Variants in GPR63 observed in about 807,000 individuals in gnomAD.
GPR63 encodes G protein-coupled receptor 63, also known as probable G protein-coupled receptor 63.
GPR63 carries 12 observed loss-of-function variants against 23.1 expected under a neutral mutation model. The observed-to-expected ratio is 0.52, with a 90% CI of 0.33 to 0.84. GPR63 has a LOEUF of 0.84. GPR63 is among the 40% of genes least tolerant of loss of function. The pLI is 0.02. For synonymous variants in GPR63, 172 were observed against 191.1 expected (o/e 0.90, Z 0.82); for missense variants, 472 against 515.6 (o/e 0.92, Z 0.82).
chr6:96,802,290 C>G (rs1320107316), intron 1 of GPR63, among the ~76,000 whole-genome samples: 3 of 152,126 alleles, frequency 2.0e-5, no homozygotes, highest in Non-Finnish European at 4.4e-5. Context: ...ACTATAAAAA[C>G]TTCTAACAAT....
chr6:96,794,602 A>T lies in GPR63; in HGVS notation c.*3870T>A, dbSNP rs1013197921. 3.9e-5 allele frequency: 6 copies of T among 152,228 alleles called. No homozygotes were observed. The highest frequency in any genetic ancestry group is 3.9e-4 in the Admixed American group (6 of 15,288). The allele number at this position is 152,228 out of a possible 1,614,324, so 9.4% of individuals were successfully genotyped here. A position where few individuals can be genotyped will look rare whatever the true frequency, so the allele number is the denominator to read the frequency against. ...AATTAAATATCTTTGTGGGCAACAG[A>T]AATACACATATTAAAAAGGTTATTT... On this transcript the variant is annotated 3_prime_UTR_variant, in exon 2 of 2. Coordinates refer to ENST00000229955, the MANE Select transcript of GPR63 (RefSeq NM_030784.4).
At position 96,798,996 on chromosome 6, in the gene GPR63, T is replaced by C; in HGVS notation, c.736A>G (p.Ile246Val). The change falls in exon 2 of 2, where the codon ATT (isoleucine) becomes GTT (valine). Residue 246 changes from isoleucine to valine, a missense_variant. Physicochemically the swap from Ile to Val is conservative, Grantham distance 29 (BLOSUM62 3). Transcript: ENST00000229955. ...GGTATGAAGAAAGAAATGAGAGAAA[T>C]CAAAATCACATAAGCCTGGTAGCCT... Reference protein sequence around the residue: ...NPGYQAYVILISLISFFIPFL... With the variant: ...NPGYQAYVILVSLISFFIPFL... 2 of 1,613,798 alleles carry C rather than the reference T, an allele frequency of 1.2e-6. No homozygotes were observed. The highest frequency in any genetic ancestry group is 1.7e-6 in the Non-Finnish European group (2 of 1,179,956).
At position 96,825,058 on chromosome 6, in the gene GPR63, A is replaced by C. The variant is rs186773683; in HGVS notation, c.-151+12210T>G. ...TTTATAAATATCACTGCTTAAACTT[A>C]TGTAAAGTTTTTCCATTTGTATTAT... On this transcript the variant is annotated intron_variant, in intron 1 of 1. Coordinates refer to ENST00000229955, the MANE Select transcript of GPR63 (RefSeq NM_030784.4). 3.1e-3 allele frequency among the ~76,000 whole-genome samples: 472 copies of C among 152,250 alleles called. 2 individuals are homozygous for C. Among genetic ancestry groups the C allele is most frequent in the South Asian group, 0.015 (73 of 4,830 alleles).
Position 96,797,286 on chromosome 6 carries a change from G to A in GPR63, c.*1186C>T, listed in dbSNP as rs1773614444. 6.6e-6 allele frequency: 1 copy of A among 152,120 alleles called. No homozygotes were observed. Among genetic ancestry groups the A allele is most frequent in the Non-Finnish European group, 1.5e-5 (1 of 68,018 alleles). 9.4% of individuals were successfully genotyped at this position (152,120 alleles called of 1,614,324 possible). A position where few individuals can be genotyped will look rare whatever the true frequency, so the allele number is the denominator to read the frequency against. Reference sequence around the variant, plus strand: ...TTCTTTTCTATTTTCCAGTGTTTCTGTAATGCTTTCATATTTCTTTTGGTA... The same window carrying A: ...TTCTTTTCTATTTTCCAGTGTTTCTATAATGCTTTCATATTTCTTTTGGTA... On this transcript the variant is annotated 3_prime_UTR_variant, in exon 2 of 2. Transcript: ENST00000229955.
chr6:96,795,721 C>T lies in GPR63; in HGVS notation c.*2751G>A, dbSNP rs1232517335. ...AAGAAAACAAAGCTCAGTTTCACCT[C>T]CAGCCAAAAAGGAGTCTTCATGACC... is the stretch of plus-strand genomic sequence containing the variant. On this transcript the variant is annotated 3_prime_UTR_variant, in exon 2 of 2. Transcript: ENST00000229955. The T allele has an allele frequency of 1.3e-5, 2 of 152,086 alleles. No homozygotes were observed. Among genetic ancestry groups the T allele is most frequent in the African/African-American group, 4.8e-5 (2 of 41,440 alleles). The allele number at this position is 152,086 out of a possible 1,614,324, so 9.4% of individuals were successfully genotyped here.
rs995156502 is a variant in GPR63, at chr6:96,796,695, C to T, written c.*1777G>A. 5 of 152,206 alleles carry T rather than the reference C, an allele frequency of 3.3e-5. No individual in the cohort carries two copies. The highest frequency in any genetic ancestry group is 7.3e-5 in the Non-Finnish European group (5 of 68,050). The allele number at this position is 152,206 out of a possible 1,614,324, so 9.4% of individuals were successfully genotyped here. A position where few individuals can be genotyped will look rare whatever the true frequency, so the allele number is the denominator to read the frequency against. On this transcript the variant is annotated 3_prime_UTR_variant, in exon 2 of 2. Transcript: ENST00000229955. ...TTCACAAACTCCAGCTCTGCTAGGG[C>T]AAGCATTGGGGCAACAATACTATTC...
chr6:96,805,059 CT>C (rs1358635599), intron 1 of GPR63, among the ~76,000 whole-genome samples: 4 of 152,066 alleles, frequency 2.6e-5, no homozygotes, highest in Non-Finnish European at 5.9e-5. Context: ...GCTGGGTTAT[CT>C]TTTTCTTATA....
rs532959528 is a variant in GPR63 at position 96,809,831 on chromosome 6, C to T, written c.-150-9950G>A. On this transcript the variant is annotated intron_variant, in intron 1 of 1. Transcript: ENST00000229955. The stretch of plus-strand genomic sequence containing the variant: ...CAAGTCAGTGAACTTTCCTGACTCT[C>T]AAATGTCCTTATCTCAAAGATGCAG... Among the ~76,000 whole-genome samples the T allele has an allele frequency of 1.1e-4, 17 of 152,288 alleles. 2 individuals are homozygous for T. In the South Asian group the frequency reaches 3.5e-3, roughly 32 times the overall value.
chr6:96,826,359 CA>C (rs1774438568), intron 1 of GPR63, among the ~76,000 whole-genome samples: 1 of 151,934 alleles, frequency 6.6e-6, no homozygotes, highest in African/African-American at 2.4e-5. Context: ...TGACTGTAAA[CA>C]AAATGAAATT....
intron 1 of GPR63, among the ~76,000 whole-genome samples, chr6:96,826,783 C>T (rs893513526): frequency 4.0e-5 from 6 of 151,606 alleles, no homozygotes; most frequent in Non-Finnish European, 7.4e-5. Context: ...CAAAAGAAAA[C>T]GGAAATAAAA....
chr6:96,815,413 G>A (rs993659712), intron 1 of GPR63, among the ~76,000 whole-genome samples: 23 of 152,118 alleles, frequency 1.5e-4, no homozygotes, highest in African/African-American at 5.5e-4. Flanking sequence ...AGTTGCCAGG[G>A]ACTGGGGAGA....
In GPR63 at chr6:96,799,486, G is replaced by T. The variant is rs1185654097; in HGVS notation, c.246C>A (p.Ile82=). 6.2e-7 allele frequency: 1 copy of T among 1,614,144 alleles called. No individual in the cohort carries two copies. The highest frequency in any genetic ancestry group is 1.6e-4 in the Middle Eastern group (1 of 6,062). The change falls in exon 2 of 2, where the codon ATC becomes ATA. Residue 82 remains isoleucine (I), a synonymous_variant. Coordinates refer to ENST00000229955, the MANE Select transcript of GPR63 (RefSeq NM_030784.4). Reference sequence around the variant, plus strand: ...TGAATATCATTATAGCAGAAAGGGTGATCTGAAGAGGCAAGTTTAGGCTCT... The same window carrying T: ...TGAATATCATTATAGCAGAAAGGGTTATCTGAAGAGGCAAGTTTAGGCTCT... ...AFKSLNLPLQ[I]TLSAIMIFIL...
chr6:96,800,705 A>G (rs533345336), intron 1 of GPR63, among the ~76,000 whole-genome samples: 12 of 152,106 alleles, frequency 7.9e-5, no homozygotes, highest in African/African-American at 2.9e-4. Flanking sequence ...ACTGACTTTC[A>G]TCCTTTCTTT....
chr6:96,834,567 C>CA (rs5878452), intron 1 of GPR63, among the ~76,000 whole-genome samples: 2,375 of 132,998 alleles, frequency 0.018, 56 homozygotes, highest in African/African-American at 0.055. Context: ...GTCATAGTTG[C>CA]AAAAAAAAAA....
At position 96,799,116 on chromosome 6, in the gene GPR63, A is replaced by AAGTT. The variant is rs1384496746; in HGVS notation, c.612_615dup (p.Ser206AsnfsTer74). 1 of 1,614,044 alleles carries AAGTT rather than the reference A, an allele frequency of 6.2e-7. No individual in the cohort carries two copies. The highest frequency in any genetic ancestry group is 8.5e-7 in the Non-Finnish European group (1 of 1,180,032). On this transcript the variant is annotated frameshift_variant, in exon 2 of 2. Coordinates refer to ENST00000229955, the MANE Select transcript of GPR63 (RefSeq NM_030784.4). LOFTEE classifies it high-confidence loss of function. ...GCTAAAGGAAAAGCTACACAAAAGG[A>AAGTT]AGTTGCCCAAGAAACTGCAATCAGA... is the stretch of plus-strand genomic sequence containing the variant.
At position 96,821,039 on chromosome 6, in the gene GPR63, T is replaced by C. The variant is rs1330828113; in HGVS notation, c.-151+16229A>G. 2.6e-5 allele frequency among the ~76,000 whole-genome samples: 4 copies of C among 152,194 alleles called. 1 individual carries two copies. The highest frequency in any genetic ancestry group is 2.0e-4 in the Admixed American group (3 of 15,276). On this transcript the variant is annotated intron_variant, in intron 1 of 1. Coordinates refer to ENST00000229955, the MANE Select transcript of GPR63 (RefSeq NM_030784.4). ...CCACACTCTTCCTCCAGAAGCTCAT[T>C]GTGCCCACCTTGGCAGTGGTCAGAG...
chr6:96,802,112 C>G (rs970262972), intron 1 of GPR63, among the ~76,000 whole-genome samples: 28 of 152,100 alleles, frequency 1.8e-4, no homozygotes, highest in Non-Finnish European at 2.9e-5. Flanking sequence ...TAACATATAT[C>G]CATCCTGTAC....
chr6:96,813,510 T>C (rs1774093137), intron 1 of GPR63, among the ~76,000 whole-genome samples: 1 of 152,322 alleles, frequency 6.6e-6, no homozygotes, highest in East Asian at 1.9e-4. Context: ...TTTTATTCCA[T>C]TGTCATCTGC....
chr6:96,806,772 T>G (rs1029866623), intron 1 of GPR63, among the ~76,000 whole-genome samples: 1 of 152,240 alleles, frequency 6.6e-6, no homozygotes, highest in Non-Finnish European at 1.5e-5. Context: ...CATGAGCAAG[T>G]GGCTGAGATT....
Sources: gnomAD v4.1 joint callset for allele counts (sites outside exome capture counted in the v4.1 genomes callset) on GRCh38, gnomAD v4.1.1 for gene constraint, MANE v1.5 for transcripts, NCBI Gene and HGNC (gene_info 2026-07-23, HGNC 2026-07-21) for gene names.